SNX25: variants seen among roughly 807,000 people sequenced by gnomAD.
SNX25 encodes the protein sorting nexin-25.
A neutral mutation model predicts 113.7 loss-of-function variants in SNX25; 62 were observed. The observed-to-expected ratio is 0.55, with a 90% CI of 0.44 to 0.67. SNX25 has a LOEUF of 0.67. Ranked by LOEUF, SNX25 falls within the 30% of genes least tolerant of loss-of-function variation. The pLI, the probability that SNX25 is intolerant of heterozygous loss-of-function variation, is 0.00. For synonymous variants in SNX25, 421 were observed against 436.2 expected (o/e 0.97, Z 0.43); for missense variants, 1,014 against 1,161.0 (o/e 0.87, Z 1.84).
intron 1 of SNX25, among the ~76,000 whole-genome samples, chr4:185,240,775 A>G (rs1296370113): frequency 2.8e-5 from 4 of 141,734 alleles, no homozygotes; most frequent in African/African-American, 8.2e-5. Context: ...GTGGCTGCCG[A>G]GCGGAGGGGC....
At chr4:185,260,276 T>C (rs1747105211) in intron 3 of SNX25, among the ~76,000 whole-genome samples, 1 of 152,040 alleles carries the variant, frequency 6.6e-6, no homozygotes, top group African/African-American at 2.4e-5. Flanking sequence ...GCAGTGGTTC[T>C]CCGACTTTTT....
intron 2 of SNX25, among the ~76,000 whole-genome samples, chr4:185,249,489 A>G (rs1745341852): frequency 6.6e-6 from 1 of 152,178 alleles, no homozygotes. Context: ...TAGTTTTTAA[A>G]ATATCTGGAT....
At chr4:185,251,347 A>G (rs1286694736) in intron 2 of SNX25, among the ~76,000 whole-genome samples, 6 of 152,116 alleles carry the variant, frequency 3.9e-5, no homozygotes, top group Non-Finnish European at 8.8e-5. Context: ...AATCTCTAGA[A>G]CTGTTTTCAT....
intron 5 of SNX25, among the ~76,000 whole-genome samples, chr4:185,281,886 C>T (rs1010018127): frequency 1.3e-5 from 2 of 151,924 alleles, no homozygotes; most frequent in African/African-American, 2.4e-5. Context: ...TATGGTCGTG[C>T]GCACCTGTAA....
chr4:185,224,988 G>A (rs1740756694), intron 1 of SNX25, among the ~76,000 whole-genome samples: 1 of 151,832 alleles, frequency 6.6e-6, no homozygotes, highest in East Asian at 1.9e-4. Context: ...GTGTCAGGGA[G>A]GCTTGTTGCT....
At chr4:185,260,021 G>C (rs1747059122) in intron 3 of SNX25, among the ~76,000 whole-genome samples, 1 of 152,106 alleles carries the variant, frequency 6.6e-6, no homozygotes. Context: ...TGCTGCCCCA[G>C]TGTTTTGCGA....
chr4:185,300,515 G>T (rs749705441), intron 6 of SNX25, among the ~76,000 whole-genome samples: 2 of 151,562 alleles, frequency 1.3e-5, no homozygotes, highest in Non-Finnish European at 2.9e-5. Context: ...GTCCATTCTA[G>T]AATTTAAAGG....
intron 4 of SNX25, among the ~76,000 whole-genome samples, chr4:185,265,986 T>C (rs1217209872): frequency 6.6e-6 from 1 of 152,202 alleles, no homozygotes; most frequent in Non-Finnish European, 1.5e-5. Context: ...ATAATGTGAT[T>C]ACTAGAAAAA....
the SNX25 span, among the ~76,000 whole-genome samples, chr4:185,375,317 C>T: frequency 6.8e-6 from 1 of 147,732 alleles, no homozygotes; most frequent in Non-Finnish European, 1.5e-5. Context: ...ATTAGCCAGG[C>T]GTGGTGGCAG....
chr4:185,224,999 A>G (rs899636195), intron 1 of SNX25, among the ~76,000 whole-genome samples: 1 of 151,710 alleles, frequency 6.6e-6, no homozygotes, highest in Non-Finnish European at 1.5e-5. Context: ...GCTTGTTGCT[A>G]TTGGACTGGT....
intron 5 of SNX25, among the ~76,000 whole-genome samples, chr4:185,284,753 G>T (rs2126601128): frequency 6.6e-6 from 1 of 152,262 alleles, no homozygotes; most frequent in Middle Eastern, 3.4e-3. Flanking sequence ...GTTTGGATGG[G>T]AGAGAGGATT....
intron 5 of SNX25, among the ~76,000 whole-genome samples, chr4:185,269,315 C>G (rs937257328): frequency 6.6e-6 from 1 of 152,190 alleles, no homozygotes; most frequent in African/African-American, 2.4e-5. Context: ...AACCTATACT[C>G]GAATACTCAT....
chr4:185,234,436 A>G lies in SNX25; in HGVS notation c.430-12858A>G, dbSNP rs1466150563. Among the ~76,000 whole-genome samples, 7 of 19,112 alleles carry G rather than the reference A, an allele frequency of 3.7e-4. 3 individuals carry two copies. In the East Asian group the frequency reaches 0.022, roughly 60 times the overall value. 12.5% of individuals were successfully genotyped at this position (19,112 alleles called of 152,430 possible). On this transcript the variant is annotated intron_variant, in intron 1 of 18. Transcript: ENST00000652585. ...GGTGGCTCACGCCTGTAATCCCAGC[A>G]CTTTGGGAGGCCGAGGCGGGCGGAT...
rs1353587476 is a variant in SNX25, at chr4:185,210,376, C to T, written c.429+121C>T. ...CTTGTCGAAGCGGGAAGCCGGGAGCCAGGGGGCTGGGCTGCGGGCCCGGCC... is the reference window on the plus strand; with the variant it reads ...CTTGTCGAAGCGGGAAGCCGGGAGCTAGGGGGCTGGGCTGCGGGCCCGGCC... On this transcript the variant is annotated intron_variant, in intron 1 of 18. Coordinates refer to ENST00000652585, the MANE Select transcript of SNX25 (RefSeq NM_001378034.2). This position sits in a 1 kb window ranked among gnomAD's most constrained non-coding sequence, Gnocchi z 4.4. The T allele has an allele frequency of 2.8e-5, 27 of 981,498 alleles. No individual in the cohort carries two copies. Among genetic ancestry groups the T allele is most frequent in the Non-Finnish European group, 3.1e-5 (26 of 826,936 alleles). 60.8% of individuals were successfully genotyped at this position (981,498 alleles called of 1,614,324 possible). A position where few individuals can be genotyped will look rare whatever the true frequency, so the allele number is the denominator to read the frequency against.
At chr4:185,223,295 C>T (rs535784801) in intron 1 of SNX25, among the ~76,000 whole-genome samples, 1 of 152,278 alleles carries the variant, frequency 6.6e-6, no homozygotes, top group Admixed American at 6.5e-5. Flanking sequence ...TCCCTTCTAT[C>T]CTTTTATTTT....
At chr4:185,290,252 A>G (rs1223585498) in intron 6 of SNX25, among the ~76,000 whole-genome samples, 4 of 152,224 alleles carry the variant, frequency 2.6e-5, no homozygotes, top group Non-Finnish European at 4.4e-5. Context: ...CGGGAAGGAC[A>G]CGATTCAGCC....
intron 1 of SNX25, among the ~76,000 whole-genome samples, chr4:185,242,386 A>G (rs1744195879): frequency 6.6e-6 from 1 of 151,704 alleles, no homozygotes; most frequent in Non-Finnish European, 1.5e-5. Context: ...CCCACCCCCA[A>G]CGTCAGTCTG....
At chr4:185,362,185 C>A in intron 17 of SNX25, 80 bp downstream of exon 17, 1 of 1,442,380 alleles carries the variant, frequency 6.9e-7, no homozygotes, top group Non-Finnish European at 9.1e-7. Flanking sequence ...TCATTTATGT[C>A]TTGCAGGAAA....
chr4:185,280,359 G>A (rs1285866038), intron 5 of SNX25, among the ~76,000 whole-genome samples: 1 of 152,100 alleles, frequency 6.6e-6, no homozygotes, highest in Non-Finnish European at 1.5e-5. Flanking sequence ...AATTGTGCTG[G>A]AAAATATTAA....
Sources: allele counts gnomAD v4.1 joint callset (sites outside exome capture counted in the v4.1 genomes callset), GRCh38; gene constraint gnomAD v4.1.1; non-coding constraint Gnocchi (gnomAD v3.1); transcripts MANE v1.5; gene names NCBI Gene and HGNC (gene_info 2026-07-23, HGNC 2026-07-21).